FER: variants seen among roughly 807,000 people sequenced by gnomAD.
The protein encoded by FER is FER tyrosine kinase.
In FER, 63 loss-of-function variants were observed where a neutral mutation model predicts 111.0. The observed-to-expected ratio is 0.57, with a 90% CI of 0.46 to 0.70. The LOEUF is 0.70. FER is among the 30% of genes least tolerant of loss of function. The probability of loss-of-function intolerance (pLI) is 0.00; values close to 1 mark genes in which losing one functional copy is unlikely to be tolerated. For missense variants in FER, 914 were observed against 954.0 expected (o/e 0.96, Z 0.55); for synonymous variants, 327 against 313.9 (o/e 1.04, Z -0.44).
chr5:108,924,287 G>T (rs1753429602), intron 10 of FER, among the ~76,000 whole-genome samples: 1 of 148,772 alleles, frequency 6.7e-6, no homozygotes, highest in African/African-American at 2.5e-5. Flanking sequence ...TTGAACCCGG[G>T]AAGCAGAGGT....
chr5:108,953,640 A>G (rs2149651121), intron 11 of FER, among the ~76,000 whole-genome samples: 1 of 152,256 alleles, frequency 6.6e-6, no homozygotes, highest in East Asian at 1.9e-4. Flanking sequence ...GTTAAAAACC[A>G]GTTTTTACTT....
intron 13 of FER, among the ~76,000 whole-genome samples, chr5:108,985,399 A>T (rs189453593): frequency 6.6e-6 from 1 of 151,844 alleles, no homozygotes; most frequent in Non-Finnish European, 1.5e-5. Context: ...GATAGTCACT[A>T]TTTGTTTCTT....
At chr5:108,877,909 T>C (rs1765250439) in intron 8 of FER, among the ~76,000 whole-genome samples, 1 of 152,098 alleles carries the variant, frequency 6.6e-6, no homozygotes, top group African/African-American at 2.4e-5. Context: ...TTTAAGACTT[T>C]GTATCTTTTT....
At chr5:108,807,540 A>G (rs984787461) in intron 3 of FER, among the ~76,000 whole-genome samples, 6 of 152,180 alleles carry the variant, frequency 3.9e-5, no homozygotes, top group South Asian at 2.1e-4. Flanking sequence ...CTAGTGGTCT[A>G]TCAACCTTGT....
rs143082111 is a variant in FER at position 108,883,661 on chromosome 5, T to C, written c.1046+143T>C. ...TATGAAGTTTTGTATAGTTAATTTC[T>C]AGGATTCTGGAAAAATGATTCTGTG... On this transcript the variant is annotated intron_variant, in intron 9 of 19. Coordinates refer to ENST00000281092, the MANE Select transcript of FER (RefSeq NM_005246.4). 3.4e-5 allele frequency: 22 copies of C among 650,584 alleles called. No individual in the cohort carries two copies. In the African/African-American group the frequency reaches 4.0e-4, roughly 12 times the overall value. The allele number at this position is 650,584 out of a possible 1,614,324, so 40.3% of individuals were successfully genotyped here.
chr5:108,876,733 T>C (rs1056583171), intron 8 of FER, among the ~76,000 whole-genome samples: 6 of 152,204 alleles, frequency 3.9e-5, no homozygotes, highest in African/African-American at 1.2e-4. Context: ...CTATGTACTG[T>C]ACAAATGTGA....
chr5:108,805,218 A>C (rs1757074071), intron 3 of FER, among the ~76,000 whole-genome samples: 3 of 151,850 alleles, frequency 2.0e-5, no homozygotes. Context: ...AAAAATGGGA[A>C]CTTTCCTGCA....
Position 108,768,247 on chromosome 5 carries a change from A to C in FER, c.-60+9A>C. On this transcript the variant is annotated intron_variant, in intron 2 of 19. Coordinates refer to ENST00000281092, the MANE Select transcript of FER (RefSeq NM_005246.4). ...CAATGAACAGTAGTAAGGTAGGATTACTTTATTCTTCTTAGTAAGTTACTA... is the reference window on the plus strand; with the variant it reads ...CAATGAACAGTAGTAAGGTAGGATTCCTTTATTCTTCTTAGTAAGTTACTA... 6.6e-6 allele frequency: 1 copy of C among 152,306 alleles called. No individual in the cohort carries two copies. Among genetic ancestry groups the C allele is most frequent in the Middle Eastern group, 3.4e-3 (1 of 294 alleles). 9.4% of individuals were successfully genotyped at this position (152,306 alleles called of 1,614,324 possible). A position where few individuals can be genotyped will look rare whatever the true frequency, so the allele number is the denominator to read the frequency against.
At chr5:108,843,875 T>A (rs1761535195) in intron 5 of FER, among the ~76,000 whole-genome samples, 3 of 152,120 alleles carry the variant, frequency 2.0e-5, no homozygotes, top group Non-Finnish European at 4.4e-5. Context: ...TTAAAAAAAA[T>A]TTCAAGCCCG....
intron 11 of FER, among the ~76,000 whole-genome samples, chr5:108,953,170 G>A (rs1757990934): frequency 6.6e-6 from 1 of 151,684 alleles, no homozygotes; most frequent in Non-Finnish European, 1.5e-5. Flanking sequence ...ATTAGTATCA[G>A]TATATACAAA....
In FER at chr5:109,084,277, A is replaced by C. The variant is rs114276591; in HGVS notation, c.1925-16119A>C. Among the ~76,000 whole-genome samples the C allele has an allele frequency of 1.2e-3, 180 of 152,100 alleles. 2 individuals are homozygous for C. Among genetic ancestry groups the C allele is most frequent in the African/African-American group, 4.0e-3 (166 of 41,518 alleles). ...TCTCTTTACATATTCTTATTGCCACACATACATCTTCTTTTTGAAGTTCCT... is the reference window on the plus strand; with the variant it reads ...TCTCTTTACATATTCTTATTGCCACCCATACATCTTCTTTTTGAAGTTCCT... On this transcript the variant is annotated intron_variant, in intron 16 of 19. Coordinates refer to ENST00000281092, the MANE Select transcript of FER (RefSeq NM_005246.4).
rs539970593 is a variant in FER, at chr5:108,959,339, A to G, written c.1648A>G (p.Ile550Val). The change falls in exon 13 of 20, where the codon ATT (isoleucine) becomes GTT (valine). Residue 550 changes from isoleucine to valine, a missense_variant. Around this residue, in one of 3 missense-constraint regions of FER, gnomAD observed 774 missense variants for 782.6 expected, o/e 0.99. Transcript: ENST00000281092. ...ATCAGGTGTAGTTCTGCTGAATCCT[A>G]TTCCTAAGGTAGGTGCTTATATACT... ...KKSGVVLLNPIPKDKKWILSH... is the reference protein window; with the variant it reads ...KKSGVVLLNPVPKDKKWILSH... The G allele has an allele frequency of 3.7e-6, 6 of 1,609,964 alleles. No homozygotes were observed. Among genetic ancestry groups the G allele is most frequent in the Admixed American group, 3.4e-5 (2 of 59,654 alleles).
intron 13 of FER, among the ~76,000 whole-genome samples, chr5:109,019,631 C>T (rs925236417): frequency 6.6e-6 from 1 of 151,718 alleles, no homozygotes; most frequent in Non-Finnish European, 1.5e-5. Flanking sequence ...AGACATCAGT[C>T]ATGTTTTACA....
At chr5:109,112,241 G>T (rs1171811012) in intron 17 of FER, among the ~76,000 whole-genome samples, 3 of 152,072 alleles carry the variant, frequency 2.0e-5, no homozygotes, top group African/African-American at 7.2e-5. Context: ...TTATCCAGTT[G>T]TAGATGAAGA....
intron 8 of FER, among the ~76,000 whole-genome samples, chr5:108,879,586 A>C (rs555306147): frequency 2.0e-5 from 3 of 150,652 alleles, no homozygotes; most frequent in African/African-American, 4.9e-5. Context: ...TAATTACTCA[A>C]ATGTTTTTCT....
At chr5:109,135,162 A>C (rs1323373969) in intron 17 of FER, among the ~76,000 whole-genome samples, 2 of 152,198 alleles carry the variant, frequency 1.3e-5, no homozygotes, top group Non-Finnish European at 2.9e-5. Context: ...AGGTGGGGAA[A>C]TGGTTGGAGA....
At chr5:108,839,306 G>A (rs1760995860) in intron 5 of FER, among the ~76,000 whole-genome samples, 1 of 152,148 alleles carries the variant, frequency 6.6e-6, no homozygotes, top group African/African-American at 2.4e-5. Context: ...GTAATAGTTT[G>A]GGGCTAGCCA....
intron 13 of FER, among the ~76,000 whole-genome samples, chr5:108,997,719 G>A (rs1401526836): frequency 4.6e-5 from 7 of 152,198 alleles, no homozygotes; most frequent in Admixed American, 6.5e-5. Flanking sequence ...GTCTGCTGAA[G>A]CTGCTCCCAC....
rs1759481807 is a variant in FER at position 109,192,965 on chromosome 5, G to T, written c.*5390G>T. The T allele has an allele frequency of 6.6e-6, 1 of 152,102 alleles. No homozygotes were observed. Among genetic ancestry groups the T allele is most frequent in the Admixed American group, 6.6e-5 (1 of 15,264 alleles). 9.4% of individuals were successfully genotyped at this position (152,102 alleles called of 1,614,324 possible). A position where few individuals can be genotyped will look rare whatever the true frequency, so the allele number is the denominator to read the frequency against. ...AGACATCCAGAAAGGAAGGTTGAAA[G>T]GAAATGAAGGGCAGTAACAAAGCAC... On this transcript the variant is annotated 3_prime_UTR_variant, in exon 20 of 20. Transcript: ENST00000281092.
Sources: allele counts gnomAD v4.1 joint callset (sites outside exome capture counted in the v4.1 genomes callset), GRCh38; gene constraint gnomAD v4.1.1; regional missense constraint gnomAD v4.1.1; transcripts MANE v1.5; gene names NCBI Gene and HGNC (gene_info 2026-07-23, HGNC 2026-07-21).